DNAJC7: variants seen among roughly 807,000 people sequenced by gnomAD.
The protein encoded by DNAJC7 is dnaJ homolog subfamily C member 7.
In DNAJC7, 18 loss-of-function variants were observed where a neutral mutation model predicts 67.4. That is an observed-to-expected ratio of 0.27 (90% CI 0.18 to 0.40). DNAJC7 has a LOEUF of 0.40. DNAJC7 is among the 10% of genes least tolerant of loss of function. DNAJC7 has a pLI of 1.00. For missense variants in DNAJC7, 419 were observed against 613.8 expected (o/e 0.68, Z 3.35); for synonymous variants, 220 against 207.8 (o/e 1.06, Z -0.50).
At chr17:42,011,022 G>C (rs2052101995) in intron 1 of DNAJC7, 1 of 152,170 alleles carries the variant, frequency 6.6e-6, no homozygotes, top group South Asian at 2.1e-4. Flanking sequence ...TTTGAATTTT[G>C]TTCTTACTTC....
chr17:42,006,787 A>ATC (rs2051971198), intron 1 of DNAJC7, among the ~76,000 whole-genome samples: 24 of 72,638 alleles, frequency 3.3e-4, no homozygotes, highest in East Asian at 1.3e-3. Flanking sequence ...ACAGAGCAAG[A>ATC]CTCCGTCTCA....
chr17:42,015,407 A>G (rs1325882460), intron 1 of DNAJC7: 1 of 152,146 alleles, frequency 6.6e-6, no homozygotes, highest in East Asian at 1.9e-4. Flanking sequence ...CTTCAGGTTC[A>G]TTTACTCCAA....
At position 41,990,163 on chromosome 17, in the gene DNAJC7, A is replaced by T. The variant is rs2051477042; in HGVS notation, c.599+101T>A. The T allele has an allele frequency of 3.5e-6, 4 of 1,154,290 alleles. No individual in the cohort carries two copies. The Admixed American group carries it at 8.1e-5, about 23-fold the overall frequency. 71.5% of individuals were successfully genotyped at this position (1,154,290 alleles called of 1,614,324 possible). The stretch of plus-strand genomic sequence containing the variant: ...GTCCCAAGAGGGTCTGATCAGCCCT[A>T]GCTGGCCTACTCTGGGGACCATATC... On this transcript the variant is annotated intron_variant, in intron 6 of 13. Transcript: ENST00000457167.
intron 1 of DNAJC7, among the ~76,000 whole-genome samples, chr17:42,012,260 G>A (rs1287676912): frequency 2.6e-5 from 4 of 152,324 alleles, no homozygotes; most frequent in East Asian, 1.9e-4. Context: ...CAAGGCGGGC[G>A]GATCATGAGG....
chr17:41,983,694 G>A (rs2051305632), intron 9 of DNAJC7, 58 bp from the exon 10 acceptor site: 2 of 1,484,952 alleles, frequency 1.3e-6, no homozygotes, highest in Non-Finnish European at 1.8e-6. Flanking sequence ...TGGTTCTCAG[G>A]ATCACTCTAG....
At chr17:41,990,079 A>G (rs919575424) in intron 6 of DNAJC7, among the ~76,000 whole-genome samples, 185 bp downstream of exon 6, 73 of 152,264 alleles carry the variant, frequency 4.8e-4, no homozygotes, top group African/African-American at 1.7e-3. Flanking sequence ...TACCTGCTAT[A>G]CTACTATACT....
Position 41,988,798 on chromosome 17 carries a change from C to T in DNAJC7, c.852G>A (p.Gly284=). 1 of 1,613,708 alleles carries T rather than the reference C, an allele frequency of 6.2e-7. No homozygotes were observed. The highest frequency in any genetic ancestry group is 8.5e-7 in the Non-Finnish European group (1 of 1,179,772). The change falls in exon 8 of 14, where the codon GGG becomes GGA. Residue 284 remains glycine (G), a synonymous_variant. Coordinates refer to ENST00000457167, the MANE Select transcript of DNAJC7 (RefSeq NM_003315.4). ...LAYELYTEAL[G]IDPNNIKTNA... is the part of the protein sequence containing the mutation. ...TTGTTTTTATATTGTTGGGGTCTAT[C>T]CCCAGGGCTTCTGTGTACAGTTCAT...
At chr17:42,016,572 T>A (rs1330742079) in intron 1 of DNAJC7, 1 of 152,510 alleles carries the variant, frequency 6.6e-6, no homozygotes, top group East Asian at 1.9e-4. Context: ...TAGAGCGTTC[T>A]CGAAAACCAC....
intron 1 of DNAJC7, among the ~76,000 whole-genome samples, chr17:42,008,689 C>T (rs1350044818): frequency 6.6e-6 from 1 of 152,054 alleles, no homozygotes; most frequent in African/African-American, 2.4e-5. Context: ...GGATTACAGG[C>T]GTGAGCCACC....
intron 7 of DNAJC7, 83 bp downstream of exon 7, chr17:41,989,321 G>C: frequency 6.5e-7 from 1 of 1,526,720 alleles, no homozygotes; most frequent in Non-Finnish European, 8.8e-7. Flanking sequence ...CATTCCTTGT[G>C]ATTCTAAAAC....
At chr17:42,015,791 T>C (rs2052259086) in intron 1 of DNAJC7, 1 of 152,054 alleles carries the variant, frequency 6.6e-6, no homozygotes, top group Non-Finnish European at 1.5e-5. Flanking sequence ...GAGGCGGAGC[T>C]TGCAGTGAGC....
In DNAJC7 at chr17:41,986,521, T is replaced by TC. The variant is rs1208640199; in HGVS notation, c.1010+1297dup. 1.7e-4 allele frequency among the ~76,000 whole-genome samples: 24 copies of TC among 143,150 alleles called. No individual in the cohort carries two copies. The South Asian group carries it at 5.1e-3, about 30-fold the overall frequency. The allele number at this position is 143,150 out of a possible 152,430, so 93.9% of individuals were successfully genotyped here. ...TTCCCACTGGACATGTAGGTGATTC[T>TC]CCCCCCGCCTTTTTTTTTTTTTTTT... is the stretch of plus-strand genomic sequence containing the variant. On this transcript the variant is annotated intron_variant, in intron 9 of 13. Transcript: ENST00000457167.
At chr17:41,979,822 G>A (rs1280995990) in intron 12 of DNAJC7, among the ~76,000 whole-genome samples, 1 of 150,922 alleles carries the variant, frequency 6.6e-6, no homozygotes, top group African/African-American at 2.4e-5. Context: ...TTAGCTGGGC[G>A]TGGTGGCGCA....
At chr17:42,012,600 T>C (rs1555651179) in intron 1 of DNAJC7, among the ~76,000 whole-genome samples, 1 of 152,216 alleles carries the variant, frequency 6.6e-6, no homozygotes, top group Non-Finnish European at 1.5e-5. Context: ...AAGACAGGTA[T>C]TCCCATATTA....
intron 9 of DNAJC7, 102 bp from the exon 10 acceptor site, chr17:41,983,738 C>A (rs538316114): frequency 1.3e-5 from 12 of 954,592 alleles, no homozygotes; most frequent in Non-Finnish European, 1.7e-5. Context: ...GAGACACACA[C>A]TTCTGGTAAG....
At chr17:42,009,311 C>A (rs373974592) in intron 1 of DNAJC7, among the ~76,000 whole-genome samples, 29 of 152,264 alleles carry the variant, frequency 1.9e-4, no homozygotes, top group African/African-American at 6.7e-4. Flanking sequence ...TCAACACGGG[C>A]AGAGTCAGAA....
chr17:42,008,924 G>T (rs916145090), intron 1 of DNAJC7, among the ~76,000 whole-genome samples: 3 of 151,812 alleles, frequency 2.0e-5, no homozygotes, highest in African/African-American at 7.3e-5. Context: ...GGCCAGGCTG[G>T]TCTTCAAACT....
chr17:41,976,952 T>G (rs1955318067), intron 13 of DNAJC7, 182 bp from the exon 14 acceptor site: 1 of 709,054 alleles, frequency 1.4e-6, no homozygotes, highest in Non-Finnish European at 2.3e-6. Context: ...GTATTATACA[T>G]GGGTAGCTTC....
At chr17:41,984,022 G>T (rs945062499) in intron 9 of DNAJC7, among the ~76,000 whole-genome samples, 5 of 152,204 alleles carry the variant, frequency 3.3e-5, no homozygotes, top group Admixed American at 1.3e-4. Flanking sequence ...GAATAAATGG[G>T]TATGAAAGAG....
Sources: allele counts gnomAD v4.1 joint callset (sites outside exome capture counted in the v4.1 genomes callset), GRCh38; gene constraint gnomAD v4.1.1; transcripts MANE v1.5; gene names NCBI Gene and HGNC (gene_info 2026-07-23, HGNC 2026-07-21).